SNAP91: variants seen among roughly 807,000 people sequenced by gnomAD.
SNAP91 encodes the protein synaptosome associated protein 91.
SNAP91 carries 27 observed loss-of-function variants against 100.3 expected under a neutral mutation model. The ratio of observed to expected loss-of-function variants is 0.27; its 90% CI spans 0.20 to 0.37. The LOEUF (loss-of-function observed/expected upper bound fraction) is 0.37. Among genes scored for constraint, SNAP91 ranks in the 10% least tolerant of loss-of-function variants. SNAP91 has a pLI of 1.00. For synonymous variants in SNAP91, 404 were observed against 398.6 expected (o/e 1.01, Z -0.16); for missense variants, 986 against 1,123.7 (o/e 0.88, Z 1.75).
chr6:83,593,831 C>T, intron 17 of SNAP91, 90 bp from the exon 18 acceptor site: 1 of 1,485,516 alleles, frequency 6.7e-7, no homozygotes, highest in Non-Finnish European at 8.9e-7. Context: ...ACACCTTATA[C>T]AGATATTTAC....
chr6:83,598,424 A>C (rs1162288973), intron 16 of SNAP91, among the ~76,000 whole-genome samples: 1 of 152,192 alleles, frequency 6.6e-6, no homozygotes, highest in Non-Finnish European at 1.5e-5. Context: ...TCTGTTAAAA[A>C]TCACAAAAAT....
At chr6:83,631,855 A>C (rs77107180) in intron 8 of SNAP91, among the ~76,000 whole-genome samples, 6,551 of 152,204 alleles carry the variant, frequency 0.043, 457 homozygotes, top group African/African-American at 0.15. Flanking sequence ...TTGAGATGTG[A>C]GGTACCATTC....
intron 16 of SNAP91, among the ~76,000 whole-genome samples, chr6:83,595,304 T>C (rs1000099004): frequency 2.0e-5 from 3 of 152,220 alleles, no homozygotes; most frequent in African/African-American, 7.2e-5. Context: ...ATTATATTTT[T>C]CTAGTTATTT....
chr6:83,700,553 A>G (rs889431870), intron 2 of SNAP91, among the ~76,000 whole-genome samples: 24 of 151,754 alleles, frequency 1.6e-4, no homozygotes, highest in African/African-American at 5.8e-4. Flanking sequence ...CATTTTACAG[A>G]TGAGGCTTAT....
intron 16 of SNAP91, among the ~76,000 whole-genome samples, chr6:83,599,094 A>G (rs2094856088): frequency 6.6e-6 from 1 of 152,180 alleles, no homozygotes; most frequent in African/African-American, 2.4e-5. Flanking sequence ...TTAAGCTTAT[A>G]TTTAAAGCTA....
chr6:83,616,831 T>C (rs2096511736), intron 10 of SNAP91, 138 bp downstream of exon 10: 1 of 556,542 alleles, frequency 1.8e-6, no homozygotes, highest in South Asian at 2.6e-5. Context: ...AGAGTAGGGG[T>C]TCTGAGGGAG....
intron 9 of SNAP91, 112 bp from the exon 10 acceptor site, chr6:83,617,151 T>A (rs1011429024): frequency 2.5e-5 from 14 of 559,692 alleles, no homozygotes; most frequent in Non-Finnish European, 3.9e-5. Context: ...CCGATATATA[T>A]GTGAGATAAT....
In SNAP91 at chr6:83,553,509, A is replaced by T. The variant is rs1396826374; in HGVS notation, c.*787T>A. ...ATTTTCATGAACATGACACAAACAGACCCTTTACTTTTCAGTGCATTTAAT... is the reference window on the plus strand; with the variant it reads ...ATTTTCATGAACATGACACAAACAGTCCCTTTACTTTTCAGTGCATTTAAT... On this transcript the variant is annotated 3_prime_UTR_variant, in exon 30 of 30. Coordinates refer to ENST00000369694, the MANE Select transcript of SNAP91 (RefSeq NM_001242792.2). 6.6e-6 allele frequency: 1 copy of T among 152,094 alleles called. No homozygotes were observed. Among genetic ancestry groups the T allele is most frequent in the African/African-American group, 2.4e-5 (1 of 41,430 alleles). 9.4% of individuals were successfully genotyped at this position (152,094 alleles called of 1,614,324 possible). A position where few individuals can be genotyped will look rare whatever the true frequency, so the allele number is the denominator to read the frequency against.
At chr6:83,681,678 T>C (rs1238540590) in intron 2 of SNAP91, among the ~76,000 whole-genome samples, 1 of 152,170 alleles carries the variant, frequency 6.6e-6, no homozygotes, top group Non-Finnish European at 1.5e-5. Flanking sequence ...TAAAGGGATG[T>C]ATACTTTGAG....
intron 2 of SNAP91, among the ~76,000 whole-genome samples, chr6:83,685,902 T>TA (rs1219942135): frequency 6.6e-6 from 1 of 152,108 alleles, no homozygotes; most frequent in Non-Finnish European, 1.5e-5. Flanking sequence ...TCCATCTTTT[T>TA]AAAAAAATAG....
intron 23 of SNAP91, among the ~76,000 whole-genome samples, chr6:83,581,092 C>T (rs1416665822): frequency 6.6e-6 from 1 of 152,112 alleles, no homozygotes; most frequent in Non-Finnish European, 1.5e-5. Flanking sequence ...TTCTAATGTG[C>T]TTTATGGTGA....
intron 2 of SNAP91, among the ~76,000 whole-genome samples, chr6:83,703,755 G>A (rs920479592): frequency 1.3e-5 from 2 of 152,148 alleles, no homozygotes; most frequent in Non-Finnish European, 2.9e-5. Context: ...TGTGGGATAA[G>A]CTCATTACTA....
intron 24 of SNAP91, among the ~76,000 whole-genome samples, chr6:83,579,424 T>A (rs1306639435): frequency 6.6e-6 from 1 of 152,202 alleles, no homozygotes; most frequent in African/African-American, 2.4e-5. Context: ...GTCATAAAAG[T>A]ATTTTCATGG....
chr6:83,644,200 T>C (rs1477715979), intron 7 of SNAP91, among the ~76,000 whole-genome samples: 1 of 152,214 alleles, frequency 6.6e-6, no homozygotes, highest in South Asian at 2.1e-4. Context: ...GACCAAAATT[T>C]TAACCAATTT....
intron 10 of SNAP91, among the ~76,000 whole-genome samples, chr6:83,616,667 T>C (rs187621488): frequency 6.6e-6 from 1 of 152,266 alleles, no homozygotes; most frequent in East Asian, 1.9e-4. Context: ...GCTTTGATTT[T>C]TAAACAGGAG....
chr6:83,623,811 T>C (rs943712356), intron 8 of SNAP91, among the ~76,000 whole-genome samples: 1 of 152,118 alleles, frequency 6.6e-6, no homozygotes, highest in African/African-American at 2.4e-5. Flanking sequence ...TCTTTATGTA[T>C]ATTCAAGGAA....
At chr6:83,642,459 A>G (rs1383107749) in intron 7 of SNAP91, among the ~76,000 whole-genome samples, 1 of 152,042 alleles carries the variant, frequency 6.6e-6, no homozygotes, top group African/African-American at 2.4e-5. Context: ...CTGTCGTTGC[A>G]ATAGTTTGCT....
chr6:83,592,473 C>A lies in SNAP91; in HGVS notation c.1912G>T (p.Val638Phe). 6.2e-7 allele frequency: 1 copy of A among 1,612,220 alleles called. No individual in the cohort carries two copies. The highest frequency in any genetic ancestry group is 8.5e-7 in the Non-Finnish European group (1 of 1,179,112). The change falls in exon 21 of 30, where the codon GTC becomes TTC. Residue 638 changes from valine (V) to phenylalanine (F), a missense_variant. Coordinates refer to ENST00000369694, the MANE Select transcript of SNAP91 (RefSeq NM_001242792.2). The stretch of plus-strand genomic sequence containing the variant: ...TACGCACCCCCAAAAAGGTCTATGA[C>A]ACCTGAAGAATCCACCTTTGCTGGC... ...ASPAKVDSSG[V>F]IDLFGDAFGS...
intron 22 of SNAP91, among the ~76,000 whole-genome samples, chr6:83,583,831 T>C (rs1831921567): frequency 6.6e-6 from 1 of 152,212 alleles, no homozygotes; most frequent in African/African-American, 2.4e-5. Flanking sequence ...CAGGTGGCAA[T>C]GCTGTTTGAG....
Sources: gnomAD v4.1 joint callset for allele counts (sites outside exome capture counted in the v4.1 genomes callset) on GRCh38, gnomAD v4.1.1 for gene constraint, MANE v1.5 for transcripts, NCBI Gene and HGNC (gene_info 2026-07-23, HGNC 2026-07-21) for gene names.